The following USP35 variants were observed in gnomAD, a reference collection of about 807,000 sequenced individuals.
USP35 encodes ubiquitin carboxyl-terminal hydrolase 35.
Under a neutral mutation model 83.8 loss-of-function variants are expected in USP35, and 69 were observed. The ratio of observed to expected loss-of-function variants is 0.82; its 90% CI spans 0.68 to 1.01. The LOEUF is 1.01. Ranked by LOEUF, USP35 falls within the 50% of genes least tolerant of loss-of-function variation. The pLI is 0.00. For missense variants in USP35, 1,503 were observed against 1,362.5 expected, an observed-to-expected ratio of 1.10 and a Z score of -1.62; for synonymous variants, 714 against 589.5, an observed-to-expected ratio of 1.21 and a Z score of -3.06.
In USP35 at chr11:78,196,891, G is replaced by T; in HGVS notation, c.646G>T (p.Glu216Ter). 6.8e-7 allele frequency: 1 copy of T among 1,473,598 alleles called. No individual in the cohort carries two copies. Among genetic ancestry groups the T allele is most frequent in the South Asian group, 1.3e-5 (1 of 75,642 alleles). The allele number at this position is 1,473,598 out of a possible 1,614,324, so 91.3% of individuals were successfully genotyped here. A position where few individuals can be genotyped will look rare whatever the true frequency, so the allele number is the denominator to read the frequency against. Reference protein sequence around the residue: ...QPAAILPCLKELFAVISCAEE... With the variant: ...QPAAILPCLK ...CGCCGCCATCCTGCCCTGCCTCAAA[G>T]AGCTGTTCGCAGTCATCTCCTGCGC... Residue 216 changes from glutamate (E) to a stop codon, truncating the protein, a stop_gained, in exon 2 of 11, where the codon GAG (glutamate) becomes TAG (stop). Coordinates refer to ENST00000529308, the MANE Select transcript of USP35 (RefSeq NM_020798.4). LOFTEE classifies it high-confidence loss of function. The surrounding 1 kb of genome is among the most constrained non-coding windows in gnomAD (Gnocchi z 4.8).
At chr11:78,207,902 A>G (rs997957354) in intron 8 of USP35, among the ~76,000 whole-genome samples, 2 of 152,200 alleles carry the variant, frequency 1.3e-5, no homozygotes, top group African/African-American at 4.8e-5. Context: ...AGTCCATTTT[A>G]TGCTGCTAAA....
intron 4 of USP35, 69 bp from the exon 5 acceptor site, chr11:78,200,064 C>G (rs1242063662): frequency 1.2e-5 from 18 of 1,547,338 alleles, no homozygotes; most frequent in South Asian, 7.8e-5. Flanking sequence ...AGTCCCCTCT[C>G]AGGCTTGTGA....
At chr11:78,205,657 A>G (rs946801213) in intron 6 of USP35, among the ~76,000 whole-genome samples, 185 bp from the exon 7 acceptor site, 1 of 152,198 alleles carries the variant, frequency 6.6e-6, no homozygotes, top group East Asian at 1.9e-4. Flanking sequence ...GAGGCAGCCC[A>G]TATGTCAACT....
chr11:78,208,425 A>C (rs1407006337), intron 8 of USP35, among the ~76,000 whole-genome samples: 1 of 152,194 alleles, frequency 6.6e-6, no homozygotes, highest in African/African-American at 2.4e-5. Context: ...GCCAGGGATT[A>C]TGCAAAGCTC....
intron 5 of USP35, 51 bp from the exon 6 acceptor site, chr11:78,200,599 G>A (rs751408282): frequency 1.9e-6 from 3 of 1,557,500 alleles, no homozygotes; most frequent in Non-Finnish European, 1.7e-6. Context: ...ACAGCCCCGT[G>A]TCTCAGGTGG....
chr11:78,227,092 T>G, the USP35 span: 95 of 1,347,270 alleles, frequency 7.1e-5, no homozygotes, highest in Admixed American at 3.8e-4. Context: ...GGTGAGACAA[T>G]TACTAGCTGT....
intron 10 of USP35, among the ~76,000 whole-genome samples, chr11:78,211,036 C>T (rs1863751833): frequency 6.6e-6 from 1 of 152,116 alleles, no homozygotes; most frequent in Admixed American, 6.5e-5. Flanking sequence ...ACAGATCAAC[C>T]CATCACCTAA....
the USP35 span, chr11:78,222,317 G>C: frequency 1.5e-6 from 1 of 676,676 alleles, no homozygotes; most frequent in Non-Finnish European, 2.7e-6. Context: ...TTTCACACAG[G>C]GAAACTGACG....
chr11:78,208,455 G>T (rs1490758064), intron 8 of USP35, among the ~76,000 whole-genome samples: 1 of 152,196 alleles, frequency 6.6e-6, no homozygotes, highest in East Asian at 1.9e-4. Flanking sequence ...GCACAGAAAT[G>T]AGTAATCCCT....
At chr11:78,204,517 C>G (rs767885164) in intron 6 of USP35, among the ~76,000 whole-genome samples, 2 of 152,154 alleles carry the variant, frequency 1.3e-5, no homozygotes, top group African/African-American at 4.8e-5. Flanking sequence ...TTCCTGAGAA[C>G]AAAGTTACCT....
rs750852799 is a variant in USP35 at position 78,209,937 on chromosome 11, G to T, written c.2082G>T (p.Gly694=). 1.6e-5 allele frequency: 25 copies of T among 1,605,740 alleles called. No individual in the cohort carries two copies. Among genetic ancestry groups the T allele is most frequent in the Non-Finnish European group, 2.0e-5 (24 of 1,175,792 alleles). ...KEERTEKEEV[G]EEEESTRGEG... ...AGAGAACGGAGAAGGAAGAAGTGGG[G>T]GAGGAGGAGGAAAGCACCAGAGGGG... The change falls in exon 10 of 11, where the codon GGG becomes GGT. Residue 694 remains glycine (G), a synonymous_variant. Coordinates refer to ENST00000529308, the MANE Select transcript of USP35 (RefSeq NM_020798.4).
the USP35 span, chr11:78,226,434 CCT>C: frequency 1.1e-5 from 17 of 1,531,920 alleles, no homozygotes; most frequent in South Asian, 3.4e-5. Flanking sequence ...CCTCCTCCTC[CCT>C]CTGAGTCTCA....
intron 1 of USP35, among the ~76,000 whole-genome samples, chr11:78,192,806 T>C (rs1379603626): frequency 7.2e-5 from 11 of 152,194 alleles, no homozygotes; most frequent in Non-Finnish European, 1.0e-4. Context: ...GAAAAGAGGC[T>C]CATGGGTATG....
the USP35 span, among the ~76,000 whole-genome samples, chr11:78,236,832 T>C: frequency 6.6e-6 from 1 of 152,190 alleles, no homozygotes; most frequent in Admixed American, 6.5e-5. Context: ...TACTTTGTCA[T>C]GATGTCTTAC....
the USP35 span, chr11:78,225,211 G>C: frequency 1.9e-3 from 3,040 of 1,580,266 alleles, 47 homozygotes; most frequent in African/African-American, 0.037. Flanking sequence ...AGCTGACAGA[G>C]GAAGGAGGAT....
downstream of USP35, among the ~76,000 whole-genome samples, chr11:78,220,125 C>T (rs1382115814): frequency 4.6e-5 from 7 of 152,168 alleles, no homozygotes; most frequent in Non-Finnish European, 1.5e-5. Context: ...GGGTACTGTG[C>T]TCTGAGAGCA....
Position 78,196,623 on chromosome 11 carries a change from C to A in USP35, c.378C>A (p.Arg126=). The A allele has an allele frequency of 7.7e-7, 1 of 1,306,028 alleles. No homozygotes were observed. Among genetic ancestry groups the A allele is most frequent in the Non-Finnish European group, 9.7e-7 (1 of 1,031,518 alleles). 80.9% of individuals were successfully genotyped at this position (1,306,028 alleles called of 1,614,324 possible). Residue 126 remains arginine (R), a synonymous_variant, in exon 2 of 11, where the codon CGC becomes CGA. Coordinates refer to ENST00000529308, the MANE Select transcript of USP35 (RefSeq NM_020798.4). The surrounding 1 kb of genome is among the most constrained non-coding windows in gnomAD (Gnocchi z 4.8). ...ACGAGGTGTTCGCGCTGCTGCGGCG[C>A]GAGGTGCTGCGCACCGTGTGCGAGC... ...AADEVFALLR[R]EVLRTVCERP...
At chr11:78,191,457 G>A (rs1213951512) in intron 1 of USP35, among the ~76,000 whole-genome samples, 1 of 152,220 alleles carries the variant, frequency 6.6e-6, no homozygotes, top group Non-Finnish European at 1.5e-5. Flanking sequence ...AGGCTAAGGG[G>A]TGGGCACGTA....
the USP35 span, chr11:78,220,256 C>T: frequency 6.3e-7 from 1 of 1,592,886 alleles, no homozygotes; most frequent in Non-Finnish European, 8.6e-7. Flanking sequence ...ACCCTGGCCT[C>T]CATGATCTCT....
Sources: allele counts gnomAD v4.1 joint callset (sites outside exome capture counted in the v4.1 genomes callset), GRCh38; gene constraint gnomAD v4.1.1; non-coding constraint Gnocchi (gnomAD v3.1); transcripts MANE v1.5; gene names NCBI Gene and HGNC (gene_info 2026-07-23, HGNC 2026-07-21).